CAPSL: variants seen among roughly 807,000 people sequenced by gnomAD.
CAPSL encodes the protein calcyphosine like.
Under a neutral mutation model 21.3 loss-of-function variants are expected in CAPSL, and 17 were observed. The ratio of observed to expected loss-of-function variants is 0.80; its 90% CI spans 0.55 to 1.20. CAPSL has a LOEUF of 1.20. CAPSL is among the 50% of genes most tolerant of loss of function. The pLI is 0.00. For missense variants in CAPSL, 289 were observed against 259.3 expected, an observed-to-expected ratio of 1.11 and a Z score of -0.79; for synonymous variants, 102 against 89.3, an observed-to-expected ratio of 1.14 and a Z score of -0.80.
Position 35,907,898 on chromosome 5 carries a change from T to A in CAPSL, c.525+1968A>T, listed in dbSNP as rs1468132365. Among the ~76,000 whole-genome samples the A allele has an allele frequency of 2.0e-5, 3 of 152,342 alleles. No individual in the cohort carries two copies. In the East Asian group the frequency reaches 5.8e-4, roughly 29 times the overall value. On this transcript the variant is annotated intron_variant, in intron 4 of 4. Transcript: ENST00000651391. ...ATTCTTCTCATAAAAGAATTTACCA[T>A]GGAGTTCCTCTACAACAACAATTTC...
At chr5:35,917,559 C>T (rs989569868) in intron 2 of CAPSL, among the ~76,000 whole-genome samples, 27 of 152,234 alleles carry the variant, frequency 1.8e-4, no homozygotes, top group African/African-American at 6.3e-4. Context: ...AGTTCATGTC[C>T]TTTGTAGGGA....
intron 4 of CAPSL, 78 bp from the exon 5 acceptor site, chr5:35,904,724 A>G (rs1484439517): frequency 6.3e-7 from 1 of 1,575,292 alleles, no homozygotes; most frequent in African/African-American, 1.4e-5. Context: ...GTGCACCTGT[A>G]AATAGAAGGG....
intron 1 of CAPSL, among the ~76,000 whole-genome samples, chr5:35,931,663 G>C (rs559256497): frequency 6.6e-6 from 1 of 152,200 alleles, no homozygotes; most frequent in East Asian, 1.9e-4. Context: ...CAACCTGCTC[G>C]ATGCAACATC....
intron 1 of CAPSL, among the ~76,000 whole-genome samples, chr5:35,930,923 G>T (rs1173551195): frequency 1.3e-5 from 2 of 152,026 alleles, no homozygotes; most frequent in African/African-American, 4.8e-5. Context: ...TGCCTTCCTT[G>T]TGCCTTGAGT....
chr5:35,918,665 C>A (rs1580887254), intron 2 of CAPSL, among the ~76,000 whole-genome samples: 1 of 152,004 alleles, frequency 6.6e-6, no homozygotes, highest in East Asian at 1.9e-4. Context: ...TTTTAAATGT[C>A]CTTAAATGCT....
chr5:35,910,096 A>G (rs758650769), intron 3 of CAPSL, 21 bp from the exon 4 acceptor site: 1 of 1,557,830 alleles, frequency 6.4e-7, no homozygotes, highest in Non-Finnish European at 8.7e-7. Flanking sequence ...AGAAGAATAC[A>G]TACAGAGACA....
chr5:35,936,538 T>C (rs1738952282), intron 1 of CAPSL, among the ~76,000 whole-genome samples: 1 of 152,234 alleles, frequency 6.6e-6, no homozygotes, highest in Admixed American at 6.5e-5. Context: ...CAATAAGTCA[T>C]TGCTAACCTG....
chr5:35,908,169 C>T (rs767987190), intron 4 of CAPSL, among the ~76,000 whole-genome samples: 12 of 152,168 alleles, frequency 7.9e-5, no homozygotes, highest in South Asian at 2.1e-4. Flanking sequence ...CACAAATACA[C>T]GTGAGTGTAA....
At chr5:35,918,462 G>A (rs927651514) in intron 2 of CAPSL, among the ~76,000 whole-genome samples, 1 of 152,198 alleles carries the variant, frequency 6.6e-6, no homozygotes, top group Non-Finnish European at 1.5e-5. Context: ...ATGAACTTCA[G>A]GGGGTGGAGG....
intron 3 of CAPSL, 57 bp from the exon 4 acceptor site, chr5:35,910,132 T>C: frequency 1.4e-6 from 2 of 1,412,122 alleles, no homozygotes; most frequent in Non-Finnish European, 1.9e-6. Flanking sequence ...GCTTTTTTGG[T>C]ATCCTATGTG....
intron 4 of CAPSL, 104 bp downstream of exon 4, chr5:35,909,761 AC>A: frequency 1.0e-6 from 1 of 961,126 alleles, no homozygotes. Context: ...TCTATTTACA[AC>A]AAATATGGTA....
chr5:35,918,545 G>A (rs1738451247), intron 2 of CAPSL, among the ~76,000 whole-genome samples: 1 of 152,078 alleles, frequency 6.6e-6, no homozygotes, highest in Non-Finnish European at 1.5e-5. Flanking sequence ...AAACCACCAT[G>A]GCACATGTAT....
At chr5:35,907,003 T>C (rs1207865477) in intron 4 of CAPSL, among the ~76,000 whole-genome samples, 8 of 152,340 alleles carry the variant, frequency 5.3e-5, no homozygotes, top group Non-Finnish European at 2.9e-5. Flanking sequence ...GAATCGCAAA[T>C]TCTCTGATCT....
At chr5:35,916,742 G>A (rs2149922479) in intron 2 of CAPSL, among the ~76,000 whole-genome samples, 1 of 152,254 alleles carries the variant, frequency 6.6e-6, no homozygotes, top group South Asian at 2.1e-4. Context: ...TTACATGTTA[G>A]ACCTAAAACC....
At chr5:35,928,505 C>G (rs1377901497) in intron 1 of CAPSL, among the ~76,000 whole-genome samples, 2 of 151,992 alleles carry the variant, frequency 1.3e-5, no homozygotes, top group African/African-American at 2.4e-5. Context: ...TTCACGGAGC[C>G]CATTTGAGTT....
intron 2 of CAPSL, among the ~76,000 whole-genome samples, chr5:35,916,960 T>G (rs1448653002): frequency 1.3e-5 from 2 of 152,102 alleles, no homozygotes; most frequent in Non-Finnish European, 1.5e-5. Flanking sequence ...TTTTGCAACC[T>G]ACTCATCTGA....
At chr5:35,909,759 C>T (rs1425073552) in intron 4 of CAPSL, 107 bp downstream of exon 4, 8 of 945,752 alleles carry the variant, frequency 8.5e-6, no homozygotes, top group Non-Finnish European at 1.3e-5. Flanking sequence ...CTTCTATTTA[C>T]AACAAATATG....
At chr5:35,922,109 C>T (rs1223907140) in intron 1 of CAPSL, among the ~76,000 whole-genome samples, 2 of 150,896 alleles carry the variant, frequency 1.3e-5, no homozygotes, top group Non-Finnish European at 2.9e-5. Context: ...GTGGTTCCAC[C>T]CTGGCTTCGA....
intron 4 of CAPSL, among the ~76,000 whole-genome samples, chr5:35,908,355 C>G (rs955385096): frequency 1.3e-5 from 2 of 152,178 alleles, no homozygotes; most frequent in Non-Finnish European, 2.9e-5. Flanking sequence ...CAGATGACAT[C>G]AAGTGCTATA....
Sources: allele counts gnomAD v4.1 joint callset (sites outside exome capture counted in the v4.1 genomes callset), GRCh38; gene constraint gnomAD v4.1.1; transcripts MANE v1.5; gene names NCBI Gene and HGNC (gene_info 2026-07-23, HGNC 2026-07-21).